EFR3B: variants seen among roughly 807,000 people sequenced by gnomAD.
The protein encoded by EFR3B is EFR3 homolog B, also known as protein EFR3 homolog B.
EFR3B carries 64 observed loss-of-function variants against 104.7 expected under a neutral mutation model. That is an observed-to-expected ratio of 0.61 (90% CI 0.50 to 0.75). EFR3B has a LOEUF of 0.75. Ranked by LOEUF, EFR3B falls within the 30% of genes least tolerant of loss-of-function variation. The pLI, the probability that EFR3B is intolerant of heterozygous loss-of-function variation, is 0.00. For missense variants in EFR3B, 750 were observed against 1,078.5 expected (o/e 0.70, Z 4.27); for synonymous variants, 385 against 417.9 (o/e 0.92, Z 0.96).
At chr2:25,123,443 C>T (rs559015409) in intron 5 of EFR3B, among the ~76,000 whole-genome samples, 9 of 152,318 alleles carry the variant, frequency 5.9e-5, no homozygotes, top group South Asian at 4.1e-4. Context: ...GGGCAGGGCC[C>T]GGTGCAACTG....
At position 25,130,472 on chromosome 2, in the gene EFR3B, C is replaced by T; in HGVS notation, c.771-80C>T. ...GTGCGAGGGGCTCTGAGAAGGTGTC[C>T]CTCTGCCTCCAAGCTAATCTCTTCT... On this transcript the variant is annotated intron_variant, in intron 7 of 22. Coordinates refer to ENST00000403714, the MANE Select transcript of EFR3B (RefSeq NM_014971.2). This position sits in a 1 kb window ranked among gnomAD's most constrained non-coding sequence, Gnocchi z 4.6. 1.6e-6 allele frequency: 2 copies of T among 1,244,640 alleles called. No homozygotes were observed. The highest frequency in any genetic ancestry group is 2.3e-6 in the Non-Finnish European group (2 of 867,114). 77.1% of individuals were successfully genotyped at this position (1,244,640 alleles called of 1,614,324 possible). A position where few individuals can be genotyped will look rare whatever the true frequency, so the allele number is the denominator to read the frequency against.
At position 25,121,768 on chromosome 2, in the gene EFR3B, C is replaced by T. The variant is rs1285430419; in HGVS notation, c.459C>T (p.Ser153=). Residue 153 remains serine (S), a synonymous_variant, in exon 5 of 23, where the codon AGC becomes AGT. Transcript: ENST00000403714. Reference sequence around the variant, plus strand: ...GATTCAGTGAAATGTGCCACTCGAGCCATGATGACTTAGAAATCAAGACCA... The same window carrying T: ...GATTCAGTGAAATGTGCCACTCGAGTCATGATGACTTAGAAATCAAGACCA... The part of the protein sequence containing the change: ...VSRFSEMCHS[S]HDDLEIKTKI... The T allele has an allele frequency of 5.8e-6, 9 of 1,551,750 alleles. No homozygotes were observed. The highest frequency in any genetic ancestry group is 7.8e-6 in the Non-Finnish European group (9 of 1,147,022).
chr2:25,151,070 A>C lies in EFR3B; in HGVS notation c.2192-844A>C, dbSNP rs987744307. ...CCTCATCTCTATTAAAAAAAAAAAA[A>C]AAAACTCAACAGTATTATGGACATG... On this transcript the variant is annotated intron_variant, in intron 20 of 22. Coordinates refer to ENST00000403714, the MANE Select transcript of EFR3B (RefSeq NM_014971.2). Among the ~76,000 whole-genome samples the C allele has an allele frequency of 3.6e-4, 55 of 152,196 alleles. 1 individual carries two copies. The highest frequency in any genetic ancestry group is 5.8e-4 in the East Asian group (3 of 5,180).
Position 25,137,690 on chromosome 2 carries a change from A to C in EFR3B, c.1722+188A>C, listed in dbSNP as rs1275181323. Reference sequence around the variant, plus strand: ...TGGTCCTGTTTGGGGAACCCCAAAGAATGCTTCATTCATGGTCTTGGCCCG... The same window carrying C: ...TGGTCCTGTTTGGGGAACCCCAAAGCATGCTTCATTCATGGTCTTGGCCCG... On this transcript the variant is annotated intron_variant, in intron 15 of 22. Coordinates refer to ENST00000403714, the MANE Select transcript of EFR3B (RefSeq NM_014971.2). The surrounding 1 kb of genome is among the most constrained non-coding windows in gnomAD (Gnocchi z 4.7). Among the ~76,000 whole-genome samples, 4 of 152,162 alleles carry C rather than the reference A, an allele frequency of 2.6e-5. No individual in the cohort carries two copies. The highest frequency in any genetic ancestry group is 2.6e-4 in the Admixed American group (4 of 15,288).
chr2:25,130,699 A>G lies in EFR3B; in HGVS notation c.849+69A>G. The G allele has an allele frequency of 7.0e-7, 1 of 1,419,596 alleles. No homozygotes were observed. Among genetic ancestry groups the G allele is most frequent in the Non-Finnish European group, 9.7e-7 (1 of 1,027,798 alleles). The allele number at this position is 1,419,596 out of a possible 1,614,324, so 87.9% of individuals were successfully genotyped here. A position where few individuals can be genotyped will look rare whatever the true frequency, so the allele number is the denominator to read the frequency against. On this transcript the variant is annotated intron_variant, in intron 8 of 22. Coordinates refer to ENST00000403714, the MANE Select transcript of EFR3B (RefSeq NM_014971.2). This position sits in a 1 kb window ranked among gnomAD's most constrained non-coding sequence, Gnocchi z 4.6. ...CTCTCTAGAAGCTAGACGGGTGCTA[A>G]AATAGAAAGCCAGAAGTCCCCTGTG...
At chr2:25,062,922 T>C (rs949258480) in intron 1 of EFR3B, among the ~76,000 whole-genome samples, 1 of 152,066 alleles carries the variant, frequency 6.6e-6, no homozygotes, top group African/African-American at 2.4e-5. Context: ...GGATTGATTT[T>C]TCTTTTTCTT....
rs1026342695 is a variant in EFR3B at position 25,136,254 on chromosome 2, G to A, written c.1485-269G>A. On this transcript the variant is annotated intron_variant, in intron 13 of 22. Transcript: ENST00000403714. This position sits in a 1 kb window ranked among gnomAD's most constrained non-coding sequence, Gnocchi z 4.0. ...GATTGCTTGAGCCCTGGAGGTTAAG[G>A]CTGCAGAGAGCTGTGATTATGGAAC... is the stretch of plus-strand genomic sequence containing the variant. Among the ~76,000 whole-genome samples, 2 of 151,982 alleles carry A rather than the reference G, an allele frequency of 1.3e-5. No individual in the cohort carries two copies. Among genetic ancestry groups the A allele is most frequent in the Non-Finnish European group, 2.9e-5 (2 of 67,986 alleles).
rs1219757097 is a variant in EFR3B, at chr2:25,130,520, A to G, written c.771-32A>G. ...TCTCCCTAACACTGCCGGGAGTTTC[A>G]TAGTTGTTCCCCCACGTTTTCTCCC... On this transcript the variant is annotated intron_variant, in intron 7 of 22. Coordinates refer to ENST00000403714, the MANE Select transcript of EFR3B (RefSeq NM_014971.2). The surrounding 1 kb of genome is among the most constrained non-coding windows in gnomAD (Gnocchi z 4.6). The G allele has an allele frequency of 1.3e-6, 2 of 1,527,934 alleles. No homozygotes were observed. Among genetic ancestry groups the G allele is most frequent in the Non-Finnish European group, 1.8e-6 (2 of 1,125,630 alleles). The allele number at this position is 1,527,934 out of a possible 1,614,324, so 94.6% of individuals were successfully genotyped here. A position where few individuals can be genotyped will look rare whatever the true frequency, so the allele number is the denominator to read the frequency against.
At chr2:25,127,480 G>A (rs1393721157) in intron 5 of EFR3B, among the ~76,000 whole-genome samples, 2 of 152,188 alleles carry the variant, frequency 1.3e-5, no homozygotes, top group Non-Finnish European at 1.5e-5. Context: ...GGTAGTGGTG[G>A]TGGTAGTGGT....
chr2:25,121,588 C>A, intron 4 of EFR3B, 85 bp from the exon 5 acceptor site: 1 of 1,514,416 alleles, frequency 6.6e-7, no homozygotes, highest in Middle Eastern at 2.0e-4. Context: ...ATGGCTTGAC[C>A]ATGGCAGGGG....
At chr2:25,067,140 A>G (rs1469156242) in intron 1 of EFR3B, among the ~76,000 whole-genome samples, 2 of 152,148 alleles carry the variant, frequency 1.3e-5, no homozygotes, top group Non-Finnish European at 2.9e-5. Context: ...GAGGAACTGA[A>G]TTTTTAAATT....
chr2:25,086,321 T>C (rs192765147), intron 1 of EFR3B, among the ~76,000 whole-genome samples: 22 of 152,326 alleles, frequency 1.4e-4, no homozygotes, highest in African/African-American at 3.6e-4. Context: ...GTTTATTTAA[T>C]TTTTTAAGAA....
chr2:25,112,757 C>G (rs191381760), intron 4 of EFR3B, among the ~76,000 whole-genome samples: 1 of 152,336 alleles, frequency 6.6e-6, no homozygotes, highest in Admixed American at 6.5e-5. Flanking sequence ...GTTCTCCTTT[C>G]TCTTTGTAGG....
rs543586613 is a variant in EFR3B at position 25,122,428 on chromosome 2, A to G, written c.485+634A>G. 2.0e-4 allele frequency among the ~76,000 whole-genome samples: 31 copies of G among 152,224 alleles called. No homozygotes were observed. The South Asian group carries it at 5.4e-3, about 26-fold the overall frequency. ...CTTTTGTTCAGAATTATATGCATTT[A>G]TACTCCAGAAACACACCCACTCACC... On this transcript the variant is annotated intron_variant, in intron 5 of 22. Coordinates refer to ENST00000403714, the MANE Select transcript of EFR3B (RefSeq NM_014971.2).
chr2:25,120,209 G>T (rs1669975125), intron 4 of EFR3B, among the ~76,000 whole-genome samples: 2 of 152,014 alleles, frequency 1.3e-5, no homozygotes, highest in African/African-American at 2.4e-5. Context: ...AAATTAGCTG[G>T]GCATGATGGC....
intron 1 of EFR3B, among the ~76,000 whole-genome samples, chr2:25,049,355 G>C (rs1331282088): frequency 6.6e-6 from 1 of 152,172 alleles, no homozygotes; most frequent in Non-Finnish European, 1.5e-5. Context: ...GTTTGGAAGG[G>C]ATATAGACTA....
intron 19 of EFR3B, among the ~76,000 whole-genome samples, chr2:25,148,645 G>A (rs1051134405): frequency 1.4e-4 from 21 of 151,660 alleles, no homozygotes; most frequent in South Asian, 4.2e-4. Context: ...AGAACTGGCC[G>A]GGCGCGGTGG....
chr2:25,144,857 T>G lies in EFR3B; in HGVS notation c.2051-103T>G, dbSNP rs946393446. The G allele has an allele frequency of 6.2e-6, 6 of 968,534 alleles. No individual in the cohort carries two copies. The African/African-American group carries it at 8.1e-5, about 13-fold the overall frequency. 60.0% of individuals were successfully genotyped at this position (968,534 alleles called of 1,614,324 possible). A position where few individuals can be genotyped will look rare whatever the true frequency, so the allele number is the denominator to read the frequency against. The stretch of plus-strand genomic sequence containing the variant: ...GAGTGTGCACTGAGCCTTAGAGGAC[T>G]GTGGACCAAGCAAAGGCAGAGGGGT... On this transcript the variant is annotated intron_variant, in intron 18 of 22. Coordinates refer to ENST00000403714, the MANE Select transcript of EFR3B (RefSeq NM_014971.2).
At chr2:25,057,780 C>T (rs541569288) in intron 1 of EFR3B, among the ~76,000 whole-genome samples, 1,336 of 52,580 alleles carry the variant, frequency 0.025, 32 homozygotes, top group African/African-American at 0.1. Context: ...AGCAAAACTC[C>T]GTCAAAAAAA....
Sources: allele counts gnomAD v4.1 joint callset (sites outside exome capture counted in the v4.1 genomes callset), GRCh38; gene constraint gnomAD v4.1.1; non-coding constraint Gnocchi (gnomAD v3.1); transcripts MANE v1.5; gene names NCBI Gene and HGNC (gene_info 2026-07-23, HGNC 2026-07-21).